The following STON2 variants were observed in gnomAD, a reference collection of about 807,000 sequenced individuals.
STON2 encodes the protein stonin 2.
Under a neutral mutation model 65.7 loss-of-function variants are expected in STON2, and 29 were observed. That is an observed-to-expected ratio of 0.44 (90% CI 0.33 to 0.60). The LOEUF (loss-of-function observed/expected upper bound fraction) is 0.60. Among genes scored for constraint, STON2 ranks in the 20% least tolerant of loss-of-function variants. STON2 has a pLI of 0.03. For missense variants in STON2, 1,054 were observed against 1,118.1 expected (o/e 0.94, Z 0.82); for synonymous variants, 404 against 414.2 (o/e 0.98, Z 0.30).
At chr14:81,276,863 T>C (rs749283052) in intron 6 of STON2, 38 bp downstream of exon 6, 83 of 1,577,046 alleles carry the variant, frequency 5.3e-5, no homozygotes, top group Non-Finnish European at 7.1e-5. Context: ...TTTTCACAAC[T>C]GTATGTTTGT....
At chr14:81,270,033 T>TAC (rs768309919) in intron 7 of STON2, 28 of 983,502 alleles carry the variant, frequency 2.8e-5, no homozygotes, top group Middle Eastern at 1.0e-3. Flanking sequence ...CCAAGCTCAC[T>TAC]ACTCTGTGAC....
chr14:81,390,084 C>T (rs1241126527), intron 3 of STON2, among the ~76,000 whole-genome samples: 3 of 96,418 alleles, frequency 3.1e-5, no homozygotes, highest in African/African-American at 7.2e-5. Context: ...TGATGGCACA[C>T]GCCGTAATCC....
chr14:81,377,783 T>C (rs1899322302), intron 3 of STON2, among the ~76,000 whole-genome samples: 1 of 152,220 alleles, frequency 6.6e-6, no homozygotes. Flanking sequence ...TCTTTTCATG[T>C]GATTACTTAC....
At chr14:81,290,754 T>C (rs55835215) in intron 5 of STON2, among the ~76,000 whole-genome samples, 287 of 152,314 alleles carry the variant, frequency 1.9e-3, no homozygotes, top group Non-Finnish European at 3.4e-3. Context: ...ATGTATGCAG[T>C]AGGCCTGTCT....
intron 2 of STON2, among the ~76,000 whole-genome samples, chr14:81,409,612 A>G (rs1901054487): frequency 6.6e-6 from 1 of 152,100 alleles, no homozygotes; most frequent in African/African-American, 2.4e-5. Flanking sequence ...TAAAGCAAAT[A>G]TTTCTCCCAC....
At chr14:81,386,828 T>C (rs1476419193) in intron 3 of STON2, among the ~76,000 whole-genome samples, 1 of 152,200 alleles carries the variant, frequency 6.6e-6, no homozygotes. Flanking sequence ...GCTCTTTTAG[T>C]CCATTTGTCT....
intron 7 of STON2, 136 bp downstream of exon 7, chr14:81,270,534 T>C: frequency 1.3e-6 from 2 of 1,575,284 alleles, no homozygotes; most frequent in Non-Finnish European, 1.7e-6. Context: ...CACAGCTATG[T>C]ATGGTGAACT....
intron 3 of STON2, 137 bp from the exon 4 acceptor site, chr14:81,371,322 G>T: frequency 1.3e-6 from 1 of 769,816 alleles, no homozygotes; most frequent in South Asian, 1.8e-5. Flanking sequence ...GTCTTGTATG[G>T]AGAGTATCAC....
intron 4 of STON2, among the ~76,000 whole-genome samples, chr14:81,344,203 A>G (rs537088189): frequency 3.9e-5 from 6 of 152,342 alleles, no homozygotes; most frequent in African/African-American, 1.4e-4. Context: ...TTATTTCAAA[A>G]TAGAAATATT....
intron 5 of STON2, among the ~76,000 whole-genome samples, chr14:81,319,350 G>T (rs1256644968): frequency 6.6e-6 from 1 of 151,714 alleles, no homozygotes; most frequent in Non-Finnish European, 1.5e-5. Flanking sequence ...GATCCTCAAA[G>T]CAAGGTCCTA....
At chr14:81,417,988 G>A (rs184165817) in intron 2 of STON2, among the ~76,000 whole-genome samples, 16 of 152,290 alleles carry the variant, frequency 1.1e-4, no homozygotes, top group African/African-American at 2.4e-4. Flanking sequence ...TTGAGTGGTC[G>A]CTGGTGACTT....
intron 4 of STON2, among the ~76,000 whole-genome samples, chr14:81,324,633 G>C (rs923302759): frequency 3.3e-5 from 5 of 152,216 alleles, no homozygotes; most frequent in Non-Finnish European, 5.9e-5. Context: ...GTCACTTTTA[G>C]GCTGAATTTT....
intron 4 of STON2, among the ~76,000 whole-genome samples, chr14:81,361,095 T>A (rs1898472441): frequency 6.6e-6 from 1 of 152,088 alleles, no homozygotes; most frequent in Admixed American, 6.5e-5. Flanking sequence ...ATCAATGCAA[T>A]CCCTATCAAA....
chr14:81,283,529 C>CT (rs1895208907), intron 5 of STON2, among the ~76,000 whole-genome samples: 1 of 95,412 alleles, frequency 1.0e-5, no homozygotes. Context: ...ACAGATACTG[C>CT]ATTTTTTTTT....
At chr14:81,292,221 A>G (rs1326547519) in intron 5 of STON2, among the ~76,000 whole-genome samples, 2 of 152,208 alleles carry the variant, frequency 1.3e-5, no homozygotes, top group Non-Finnish European at 2.9e-5. Flanking sequence ...GATTTAAACA[A>G]ACAACTGCTG....
intron 5 of STON2, among the ~76,000 whole-genome samples, chr14:81,285,380 T>G (rs754820995): frequency 7.2e-5 from 11 of 152,180 alleles, no homozygotes; most frequent in Non-Finnish European, 1.5e-4. Context: ...AAGACTTCAG[T>G]GGAGGAAATA....
intron 6 of STON2, among the ~76,000 whole-genome samples, chr14:81,274,008 A>G (rs1441734076): frequency 1.3e-5 from 2 of 152,214 alleles, no homozygotes; most frequent in Non-Finnish European, 2.9e-5. Flanking sequence ...TTACTGAAAG[A>G]TAACCATCAA....
At chr14:81,324,417 G>A (rs1896934195) in intron 4 of STON2, among the ~76,000 whole-genome samples, 1 of 152,266 alleles carries the variant, frequency 6.6e-6, no homozygotes, top group East Asian at 1.9e-4. Context: ...TGGGTAATTA[G>A]ATTCTAAGGG....
In STON2 at chr14:81,337,775, T is replaced by C. The variant is rs189681763; in HGVS notation, c.572-13588A>G. On this transcript the variant is annotated intron_variant, in intron 4 of 7. Transcript: ENST00000614646. Reference sequence around the variant, plus strand: ...GGTCAGTCCTACCTTGGGGAGTCACTGTATGTATGGGGGTGTCACATTATG... The same window carrying C: ...GGTCAGTCCTACCTTGGGGAGTCACCGTATGTATGGGGGTGTCACATTATG... Among the ~76,000 whole-genome samples the C allele has an allele frequency of 6.6e-5, 10 of 152,232 alleles. 1 individual carries two copies. Among genetic ancestry groups the C allele is most frequent in the Admixed American group, 5.2e-4 (8 of 15,290 alleles).
Sources: allele counts gnomAD v4.1 joint callset (sites outside exome capture counted in the v4.1 genomes callset), GRCh38; gene constraint gnomAD v4.1.1; transcripts MANE v1.5; gene names NCBI Gene and HGNC (gene_info 2026-07-23, HGNC 2026-07-21).